The following KCMF1 variants were observed in gnomAD, a reference collection of about 807,000 sequenced individuals.
The protein encoded by KCMF1 is E3 ubiquitin-protein ligase KCMF1.
Under a neutral mutation model 41.1 loss-of-function variants are expected in KCMF1, and 3 were observed. The ratio of observed to expected loss-of-function variants is 0.07; its 90% CI spans 0.03 to 0.19. The LOEUF (loss-of-function observed/expected upper bound fraction) is 0.19. Ranked by LOEUF, KCMF1 falls within the 10% of genes least tolerant of loss-of-function variation. The pLI is 1.00. For synonymous variants in KCMF1, 142 were observed against 164.5 expected (o/e 0.86, Z 1.04); for missense variants, 286 against 488.9 (o/e 0.58, Z 3.91).
intron 3 of KCMF1, among the ~76,000 whole-genome samples, chr2:85,039,189 T>C (rs1174679481): frequency 6.6e-6 from 1 of 152,242 alleles, no homozygotes; most frequent in Non-Finnish European, 1.5e-5. Context: ...AATTATATAA[T>C]ATAACAAATT....
At position 85,008,370 on chromosome 2, in the gene KCMF1, CAT is replaced by C. The variant is rs1491352581; in HGVS notation, c.17-19516_17-19515del. 3.5e-4 allele frequency among the ~76,000 whole-genome samples: 3 copies of C among 8,466 alleles called. 1 individual carries two copies. Among genetic ancestry groups the C allele is most frequent in the African/African-American group, 6.2e-4 (3 of 4,866 alleles). 5.6% of individuals were successfully genotyped at this position (8,466 alleles called of 152,430 possible). On this transcript the variant is annotated intron_variant, in intron 1 of 6. Coordinates refer to ENST00000409785, the MANE Select transcript of KCMF1 (RefSeq NM_020122.5). ...ATAATATATAATATATATTATATAT[CAT>C]ATGATATATTATATATGATATATAT...
chr2:85,013,151 A>T (rs1674688135), intron 1 of KCMF1, among the ~76,000 whole-genome samples: 1 of 152,160 alleles, frequency 6.6e-6, no homozygotes, highest in Non-Finnish European at 1.5e-5. Flanking sequence ...TAGTCTTCAT[A>T]CTGTTTTAAA....
intron 1 of KCMF1, among the ~76,000 whole-genome samples, chr2:85,006,456 A>C (rs1461009386): frequency 6.6e-6 from 1 of 151,478 alleles, no homozygotes; most frequent in Non-Finnish European, 1.5e-5. Context: ...GCCCGCCACC[A>C]TGCCCGGCTA....
At chr2:84,972,217 A>G (rs1668363108) in intron 1 of KCMF1, 1 of 152,388 alleles carries the variant, frequency 6.6e-6, no homozygotes, top group African/African-American at 2.4e-5. Flanking sequence ...TGCCTACCAG[A>G]CCAGGTTTTG....
At chr2:85,006,792 C>T (rs1020186302) in intron 1 of KCMF1, among the ~76,000 whole-genome samples, 1 of 151,732 alleles carries the variant, frequency 6.6e-6, no homozygotes, top group Non-Finnish European at 1.5e-5. Flanking sequence ...CCAACGTCCA[C>T]ACATCCACTA....
Position 85,046,216 on chromosome 2 carries a change from G to C in KCMF1, c.539G>C (p.Gly180Ala). ...NMHFTSSSTG[G>A]LSSSQSSYSP... The stretch of plus-strand genomic sequence containing the variant: ...CACTTTACTAGCAGTTCTACTGGTG[G>C]ACTTTCTTCTTCTCAGAGTTCATAT... The change falls in exon 5 of 7, where the codon GGA (glycine) becomes GCA (alanine). Residue 180 changes from glycine (G) to alanine (A), a missense_variant. Gly to Ala is a moderately conservative substitution (Grantham distance 60). Around this residue, in one of 2 missense-constraint regions of KCMF1, gnomAD observed 191 missense variants for 279.3 expected, o/e 0.68. Coordinates refer to ENST00000409785, the MANE Select transcript of KCMF1 (RefSeq NM_020122.5). The C allele has an allele frequency of 5.0e-6, 8 of 1,613,404 alleles. No individual in the cohort carries two copies. The highest frequency in any genetic ancestry group is 6.8e-6 in the Non-Finnish European group (8 of 1,179,602).
At position 85,053,333 on chromosome 2, in the gene KCMF1, C is replaced by T. The variant is rs1260412403; in HGVS notation, c.1070C>T (p.Pro357Leu). The T allele has an allele frequency of 6.2e-7, 1 of 1,613,670 alleles. No individual in the cohort carries two copies. The highest frequency in any genetic ancestry group is 1.6e-4 in the Middle Eastern group (1 of 6,062). ...GCTATGGGCTGTGTAGATATTATGC[C>T]TTTAGATGTTGCTTTAGAAAACCTA... Reference protein sequence around the residue: ...FGAMGCVDIMPLDVALENLNL... With the variant: ...FGAMGCVDIMLLDVALENLNL... Residue 357 changes from proline to leucine, a missense_variant, in exon 7 of 7, where the codon CCT becomes CTT. By Grantham distance (98) the Pro-to-Leu change is moderately conservative (BLOSUM62 -3). Coordinates refer to ENST00000409785, the MANE Select transcript of KCMF1 (RefSeq NM_020122.5).
At chr2:84,995,280 A>T (rs1269662375) in intron 1 of KCMF1, among the ~76,000 whole-genome samples, 1 of 152,174 alleles carries the variant, frequency 6.6e-6, no homozygotes, top group Non-Finnish European at 1.5e-5. Context: ...TTGGCCTCCC[A>T]AAGTGCTGGG....
intron 1 of KCMF1, among the ~76,000 whole-genome samples, chr2:85,025,094 A>C (rs1287796259): frequency 2.6e-5 from 4 of 152,140 alleles, no homozygotes; most frequent in Admixed American, 2.0e-4. Flanking sequence ...TGTAACTTGC[A>C]TCAACATTTG....
intron 3 of KCMF1, among the ~76,000 whole-genome samples, chr2:85,040,915 C>T (rs772698511): frequency 2.6e-5 from 4 of 152,100 alleles, no homozygotes; most frequent in Non-Finnish European, 5.9e-5. Flanking sequence ...CGTGTGCCAC[C>T]ATGCCCAGGT....
At chr2:84,971,803 G>T (rs535403787) in intron 1 of KCMF1, among the ~76,000 whole-genome samples, 1 of 151,420 alleles carries the variant, frequency 6.6e-6, no homozygotes, top group Admixed American at 6.6e-5. Context: ...GCCAAGGCCC[G>T]CCCGGCCGGT....
intron 1 of KCMF1, among the ~76,000 whole-genome samples, chr2:84,980,631 A>G (rs1673710689): frequency 6.7e-6 from 1 of 150,206 alleles, no homozygotes; most frequent in East Asian, 1.9e-4. Flanking sequence ...ACAGTCAATT[A>G]GCCTCATATC....
chr2:84,987,127 TAGATA>T (rs201247670), intron 1 of KCMF1, among the ~76,000 whole-genome samples: 34 of 152,254 alleles, frequency 2.2e-4, no homozygotes, highest in African/African-American at 7.2e-4. Flanking sequence ...TTTATCACGG[TAGATA>T]AGATAAGAAA....
At chr2:85,017,448 A>G (rs1674804314) in intron 1 of KCMF1, among the ~76,000 whole-genome samples, 1 of 152,212 alleles carries the variant, frequency 6.6e-6, no homozygotes, top group South Asian at 2.1e-4. Context: ...TCAAAATTAT[A>G]TAGCCTATAT....
chr2:84,995,256 G>A (rs1259288459), intron 1 of KCMF1, among the ~76,000 whole-genome samples: 6 of 151,708 alleles, frequency 4.0e-5, no homozygotes, highest in African/African-American at 1.2e-4. Context: ...TCCTGACCTC[G>A]TGATCCACCC....
At position 85,019,727 on chromosome 2, in the gene KCMF1, T is replaced by C. The variant is rs543623073; in HGVS notation, c.17-8162T>C. Among the ~76,000 whole-genome samples, 175 of 151,812 alleles carry C rather than the reference T, an allele frequency of 1.2e-3. 1 individual carries two copies. The highest frequency in any genetic ancestry group is 3.7e-3 in the African/African-American group (155 of 41,416). ...CTTACCTGTTTGACTTAAATATATA[T>C]GTGTGTGTGTATATATATGTATATA... On this transcript the variant is annotated intron_variant, in intron 1 of 6. Transcript: ENST00000409785.
intron 1 of KCMF1, chr2:85,014,163 A>T (rs897615271): frequency 1.3e-5 from 2 of 152,242 alleles, no homozygotes; most frequent in Non-Finnish European, 2.9e-5. Flanking sequence ...CTCTGAAAAT[A>T]AATATCTGTA....
intron 1 of KCMF1, chr2:84,972,240 G>A (rs1286632762): frequency 1.3e-5 from 2 of 152,324 alleles, no homozygotes; most frequent in Admixed American, 1.3e-4. Flanking sequence ...AAATGACGAT[G>A]GTGAGGTCTG....
At position 85,057,974 on chromosome 2, in the gene KCMF1, C is replaced by A. The variant is rs1360947308; in HGVS notation, c.*4565C>A. The A allele has an allele frequency of 2.0e-5, 3 of 152,250 alleles. No homozygotes were observed. Among genetic ancestry groups the A allele is most frequent in the African/African-American group, 7.2e-5 (3 of 41,456 alleles). 9.4% of individuals were successfully genotyped at this position (152,250 alleles called of 1,614,324 possible). A position where few individuals can be genotyped will look rare whatever the true frequency, so the allele number is the denominator to read the frequency against. On this transcript the variant is annotated 3_prime_UTR_variant, in exon 7 of 7. Transcript: ENST00000409785. The stretch of plus-strand genomic sequence containing the variant: ...ATGTTAACTTTAGTAAGTCAGTTAA[C>A]TTTACAGCAACTAAAGAGATCAATT...
Sources: allele counts gnomAD v4.1 joint callset (sites outside exome capture counted in the v4.1 genomes callset), GRCh38; gene constraint gnomAD v4.1.1; regional missense constraint gnomAD v4.1.1; transcripts MANE v1.5; gene names NCBI Gene and HGNC (gene_info 2026-07-23, HGNC 2026-07-21).